Variants in CDH26 observed in about 807,000 individuals in gnomAD.
CDH26 encodes cadherin 26, also known as cadherin-like protein 26.
A neutral mutation model predicts 90.3 loss-of-function variants in CDH26; 83 were observed. That is an observed-to-expected ratio of 0.92 (90% CI 0.77 to 1.10). CDH26 has a LOEUF of 1.10. Ranked by LOEUF, CDH26 falls within the 50% of genes least tolerant of loss-of-function variation. The probability of loss-of-function intolerance (pLI) is 0.00; values close to 1 mark genes in which losing one functional copy is unlikely to be tolerated. For missense variants in CDH26, 1,013 were observed against 1,037.6 expected (o/e 0.98, Z 0.33); for synonymous variants, 397 against 396.3 (o/e 1.00, Z -0.02).
At chr20:60,018,985 A>G (rs2061930670), downstream of CDH26, among the ~76,000 whole-genome samples, 1 of 152,012 alleles carries the variant, frequency 6.6e-6, no homozygotes, top group South Asian at 2.1e-4. Flanking sequence ...TGCTTGGTAT[A>G]ATATTATAGT....
chr20:60,014,835 T>G (rs2061891254), downstream of CDH26, among the ~76,000 whole-genome samples: 1 of 152,202 alleles, frequency 6.6e-6, no homozygotes, highest in South Asian at 2.1e-4. Context: ...ATTTTTGAAT[T>G]ATATTGTAGT....
At chr20:60,002,506 C>T (rs186868048) in intron 15 of CDH26, among the ~76,000 whole-genome samples, 30 of 152,112 alleles carry the variant, frequency 2.0e-4, no homozygotes, top group Admixed American at 1.4e-3. Flanking sequence ...TGCCGCTAGG[C>T]CTGGGTCCTA....
At chr20:59,983,445 T>G (rs1311680603) in intron 5 of CDH26, among the ~76,000 whole-genome samples, 28 of 152,242 alleles carry the variant, frequency 1.8e-4, no homozygotes, top group Admixed American at 1.8e-3. Context: ...CTGTGCATTC[T>G]TAAACCCAAC....
chr20:59,978,367 A>T (rs1187168826), intron 4 of CDH26, among the ~76,000 whole-genome samples: 1 of 151,108 alleles, frequency 6.6e-6, no homozygotes, highest in Non-Finnish European at 1.5e-5. Flanking sequence ...AGTTCCTATT[A>T]TTTATACTTA....
At chr20:60,029,290 T>G (rs1327708138) in intron 7 of CDH26, among the ~76,000 whole-genome samples, 1 of 152,118 alleles carries the variant, frequency 6.6e-6, no homozygotes, top group African/African-American at 2.4e-5. Flanking sequence ...ACGTAGCACC[T>G]ATAGTCAACA....
At position 59,992,462 on chromosome 20, in the gene CDH26, A is replaced by G. The variant is rs1270365110; in HGVS notation, c.1368A>G (p.Arg456=). 1.2e-6 allele frequency: 2 copies of G among 1,614,194 alleles called. No individual in the cohort carries two copies. The highest frequency in any genetic ancestry group is 1.7e-6 in the Non-Finnish European group (2 of 1,180,022). The change falls in exon 10 of 18, where the codon CGA becomes CGG. Residue 456 remains arginine, a synonymous_variant. Coordinates refer to ENST00000348616, the MANE Select transcript of CDH26 (RefSeq NM_177980.4). This position sits in a 1 kb window ranked among gnomAD's most constrained non-coding sequence, Gnocchi z 5.0. ...TCATCACCGTGGAGCCAATTGACCG[A>G]GAATCCCCTCATGTAAATAACAGTT... ...GVVITVEPID[R]ESPHVNNSFY... is the part of the protein sequence containing the mutation.
chr20:59,983,627 G>A lies in CDH26; in HGVS notation c.541+557G>A, dbSNP rs189571055. On this transcript the variant is annotated intron_variant, in intron 5 of 17. Transcript: ENST00000348616. ...CAGTTTGTATTCTTTCAGCATTTTT[G>A]TGTGCATTTTCTGTGTGTGTGTATA... Among the ~76,000 whole-genome samples, 7 of 152,276 alleles carry A rather than the reference G, an allele frequency of 4.6e-5. No individual in the cohort carries two copies. In the South Asian group the frequency reaches 1.0e-3, roughly 23 times the overall value.
chr20:60,026,969 T>A (rs2062002580), intron 7 of CDH26, among the ~76,000 whole-genome samples: 1 of 152,158 alleles, frequency 6.6e-6, no homozygotes, highest in Admixed American at 6.6e-5. Flanking sequence ...ATGAGTGATA[T>A]GGCGACTATT....
chr20:60,032,365 G>A (rs182326091), intron 8 of CDH26, among the ~76,000 whole-genome samples: 7 of 152,234 alleles, frequency 4.6e-5, no homozygotes, highest in Non-Finnish European at 8.8e-5. Flanking sequence ...TATTTGCCAG[G>A]GAGACGAGGA....
intron 11 of CDH26, among the ~76,000 whole-genome samples, chr20:59,995,466 C>T (rs1211783209): frequency 6.6e-6 from 1 of 152,206 alleles, no homozygotes; most frequent in Non-Finnish European, 1.5e-5. Flanking sequence ...GACCTGGCTT[C>T]TCGGGAGTGG....
chr20:60,002,769 T>C (rs1402938225), intron 15 of CDH26, 44 bp from the exon 16 acceptor site: 12 of 1,487,908 alleles, frequency 8.1e-6, no homozygotes, highest in African/African-American at 1.4e-5. Context: ...TTGCATCCTT[T>C]GGTAATTTAT....
At chr20:60,026,180 T>G (rs2061995428) in intron 7 of CDH26, among the ~76,000 whole-genome samples, 2 of 152,182 alleles carry the variant, frequency 1.3e-5, no homozygotes, top group Admixed American at 1.3e-4. Flanking sequence ...TGTTTCCCTA[T>G]GGGGAGCAGA....
At chr20:60,000,619 C>T (rs2061663405) in intron 14 of CDH26, among the ~76,000 whole-genome samples, 1 of 152,206 alleles carries the variant, frequency 6.6e-6, no homozygotes, top group East Asian at 1.9e-4. Flanking sequence ...ATTGAATTTT[C>T]ACCAGAACCC....
rs1019602521 is a variant in CDH26, at chr20:60,006,426, G to A, written c.2221-287G>A. The stretch of plus-strand genomic sequence containing the variant: ...GGGGGTGCAAGGCATGAGTGAGGGT[G>A]TCAGCAGGAACAACCCTCCTGGCCG... On this transcript the variant is annotated intron_variant, in intron 16 of 17. Coordinates refer to ENST00000348616, the MANE Select transcript of CDH26 (RefSeq NM_177980.4). Among the ~76,000 whole-genome samples the A allele has an allele frequency of 2.0e-5, 3 of 152,320 alleles. No homozygotes were observed. In the East Asian group the frequency reaches 5.8e-4, roughly 29 times the overall value.
At chr20:60,031,011 G>T (rs1181045914) in intron 7 of CDH26, among the ~76,000 whole-genome samples, 1 of 152,232 alleles carries the variant, frequency 6.6e-6, no homozygotes, top group Non-Finnish European at 1.5e-5. Flanking sequence ...CTCGAGGGCT[G>T]CTGGTTGCAC....
At chr20:59,961,884 G>T (rs556484361) in intron 1 of CDH26, among the ~76,000 whole-genome samples, 1 of 152,310 alleles carries the variant, frequency 6.6e-6, no homozygotes, top group South Asian at 2.1e-4. Context: ...GAAGAGGGAA[G>T]TTTTAAGAGA....
chr20:59,988,840 C>A, intron 8 of CDH26, 64 bp from the exon 9 acceptor site: 1 of 1,572,548 alleles, frequency 6.4e-7, no homozygotes, highest in Admixed American at 1.8e-5. Flanking sequence ...GATGACTCGG[C>A]GCTGGGCTTC....
intron 7 of CDH26, among the ~76,000 whole-genome samples, chr20:59,985,545 C>T (rs1009873040): frequency 3.6e-4 from 54 of 152,074 alleles, no homozygotes; most frequent in African/African-American, 1.2e-3. Context: ...AGGGGATGGC[C>T]GGAGCTATTT....
intron 17 of CDH26, among the ~76,000 whole-genome samples, chr20:60,008,017 C>T (rs2061777089): frequency 6.6e-6 from 1 of 152,140 alleles, no homozygotes; most frequent in African/African-American, 2.4e-5. Context: ...ATGGATAGGG[C>T]AGAGCCAGTC....
Sources: gnomAD v4.1 joint callset for allele counts (sites outside exome capture counted in the v4.1 genomes callset) on GRCh38, gnomAD v4.1.1 for gene constraint, Gnocchi (gnomAD v3.1) non-coding constraint, MANE v1.5 for transcripts, NCBI Gene and HGNC (gene_info 2026-07-23, HGNC 2026-07-21) for gene names.